MAPKAP1: variants seen among roughly 807,000 people sequenced by gnomAD.
The protein encoded by MAPKAP1 is target of rapamycin complex 2 subunit MAPKAP1.
MAPKAP1 carries 20 observed loss-of-function variants against 65.7 expected under a neutral mutation model. That is an observed-to-expected ratio of 0.30 (90% CI 0.21 to 0.44). MAPKAP1 has a LOEUF of 0.44. Ranked by LOEUF, MAPKAP1 falls within the 20% of genes least tolerant of loss-of-function variation. The pLI is 1.00. For missense variants in MAPKAP1, 423 were observed against 648.0 expected (o/e 0.65, Z 3.77); for synonymous variants, 222 against 244.3 (o/e 0.91, Z 0.85).
At chr9:125,684,925 G>A (rs531800534) in intron 1 of MAPKAP1, among the ~76,000 whole-genome samples, 30 of 152,192 alleles carry the variant, frequency 2.0e-4, no homozygotes, top group African/African-American at 6.7e-4. Context: ...CCTCCCCATC[G>A]GCCTCCCAGG....
chr9:125,630,687 T>C (rs1249493513), intron 4 of MAPKAP1, among the ~76,000 whole-genome samples: 3 of 152,196 alleles, frequency 2.0e-5, no homozygotes, highest in Non-Finnish European at 2.9e-5. Flanking sequence ...GTTTGGATGT[T>C]TGTCCTCTTC....
intron 10 of MAPKAP1, among the ~76,000 whole-genome samples, chr9:125,455,264 A>C (rs1442995982): frequency 6.6e-6 from 1 of 152,196 alleles, no homozygotes; most frequent in Non-Finnish European, 1.5e-5. Flanking sequence ...AAAGTCGTCC[A>C]ACAATGTTAG....
intron 6 of MAPKAP1, among the ~76,000 whole-genome samples, chr9:125,557,082 G>C (rs1037904002): frequency 1.3e-5 from 2 of 152,186 alleles, no homozygotes; most frequent in Non-Finnish European, 2.9e-5. Flanking sequence ...AGGGATGGGA[G>C]TAATTCAGGA....
intron 1 of MAPKAP1, among the ~76,000 whole-genome samples, chr9:125,703,195 C>T (rs1244960459): frequency 1.3e-5 from 2 of 152,094 alleles, no homozygotes; most frequent in African/African-American, 4.8e-5. Context: ...TTCATCAAGG[C>T]CCAGCCTACT....
intron 9 of MAPKAP1, among the ~76,000 whole-genome samples, chr9:125,470,345 A>C (rs1853858832): frequency 6.6e-6 from 1 of 152,338 alleles, no homozygotes; most frequent in East Asian, 1.9e-4. Flanking sequence ...GCTCCCATGT[A>C]TATTAGTGCT....
intron 7 of MAPKAP1, among the ~76,000 whole-genome samples, chr9:125,525,034 TG>T (rs1829723405): frequency 6.6e-6 from 1 of 152,226 alleles, no homozygotes; most frequent in Non-Finnish European, 1.5e-5. Flanking sequence ...GCACACATTC[TG>T]GGCTGTACCT....
At chr9:125,502,102 T>G (rs1476550839) in intron 8 of MAPKAP1, among the ~76,000 whole-genome samples, 1 of 146,310 alleles carries the variant, frequency 6.8e-6, no homozygotes, top group Non-Finnish European at 1.5e-5. Context: ...TTTCTTCTTC[T>G]TTTTTTTTTT....
intron 9 of MAPKAP1, among the ~76,000 whole-genome samples, chr9:125,470,114 GC>G (rs1411450983): frequency 6.6e-6 from 1 of 152,134 alleles, no homozygotes; most frequent in African/African-American, 2.4e-5. Flanking sequence ...TTTGTTCTAT[GC>G]CCCTACAACT....
intron 11 of MAPKAP1, among the ~76,000 whole-genome samples, chr9:125,441,537 C>T (rs867743442): frequency 4.6e-5 from 7 of 152,334 alleles, no homozygotes; most frequent in Middle Eastern, 6.8e-3. Context: ...GCAAAAAGCT[C>T]GATGGAGGCT....
chr9:125,487,197 G>A (rs960736663), intron 8 of MAPKAP1, among the ~76,000 whole-genome samples: 6 of 152,116 alleles, frequency 3.9e-5, no homozygotes, highest in African/African-American at 1.4e-4. Flanking sequence ...CATCTGCAAG[G>A]GCCACTGGGT....
chr9:125,563,281 C>T (rs1397702247), intron 5 of MAPKAP1, among the ~76,000 whole-genome samples: 1 of 152,190 alleles, frequency 6.6e-6, no homozygotes, highest in East Asian at 1.9e-4. Context: ...TCAGAGTTTA[C>T]AACACAATGG....
intron 3 of MAPKAP1, among the ~76,000 whole-genome samples, chr9:125,663,839 C>G (rs1169661640): frequency 1.3e-5 from 2 of 152,000 alleles, no homozygotes; most frequent in Non-Finnish European, 2.9e-5. Flanking sequence ...TTATTTGCAA[C>G]TAAAAAGTCC....
At chr9:125,573,989 C>T (rs543239255) in intron 5 of MAPKAP1, among the ~76,000 whole-genome samples, 1 of 152,310 alleles carries the variant, frequency 6.6e-6, no homozygotes, top group South Asian at 2.1e-4. Flanking sequence ...AAAGCGAGAC[C>T]ATGCCTGGCT....
intron 1 of MAPKAP1, among the ~76,000 whole-genome samples, chr9:125,695,226 T>TA (rs1324303441): frequency 6.6e-6 from 1 of 152,156 alleles, no homozygotes; most frequent in Non-Finnish European, 1.5e-5. Flanking sequence ...CTTAAGCAAA[T>TA]AAATAAGTAC....
chr9:125,470,290 C>A (rs1853853951), intron 9 of MAPKAP1, among the ~76,000 whole-genome samples: 2 of 152,274 alleles, frequency 1.3e-5, no homozygotes, highest in East Asian at 1.9e-4. Context: ...AGAAATGACA[C>A]CCAAAGTGGC....
intron 7 of MAPKAP1, among the ~76,000 whole-genome samples, chr9:125,542,123 AT>A (rs1830270113): frequency 6.6e-6 from 1 of 151,968 alleles, no homozygotes; most frequent in Non-Finnish European, 1.5e-5. Context: ...CTCCTCTGCC[AT>A]TTTTTACAGC....
intron 4 of MAPKAP1, among the ~76,000 whole-genome samples, chr9:125,611,552 A>C (rs1832601298): frequency 6.6e-6 from 1 of 152,236 alleles, no homozygotes; most frequent in South Asian, 2.1e-4. Flanking sequence ...GAATGATGAA[A>C]GACACTAATA....
chr9:125,651,608 A>AAAAAC (rs1220990523), intron 4 of MAPKAP1, among the ~76,000 whole-genome samples: 1 of 152,212 alleles, frequency 6.6e-6, no homozygotes, highest in Non-Finnish European at 1.5e-5. Context: ...TCTGTCTCAA[A>AAAAAC]AAAACAAAAC....
chr9:125,446,023 C>A (rs1016958672), intron 10 of MAPKAP1, among the ~76,000 whole-genome samples: 1 of 152,158 alleles, frequency 6.6e-6, no homozygotes, highest in Admixed American at 6.5e-5. Flanking sequence ...TTCAGCATAT[C>A]CTTTCTATTA....
Sources: gnomAD v4.1 joint callset for allele counts (sites outside exome capture counted in the v4.1 genomes callset) on GRCh38, gnomAD v4.1.1 for gene constraint, MANE v1.5 for transcripts, NCBI Gene and HGNC (gene_info 2026-07-23, HGNC 2026-07-21) for gene names.